The following CHODL variants were observed in gnomAD, a reference collection of about 807,000 sequenced individuals.
The protein encoded by CHODL is chondrolectin, also known as transmembrane protein MT75.
In CHODL, 29 loss-of-function variants were observed where a neutral mutation model predicts 34.5. The ratio of observed to expected loss-of-function variants is 0.84; its 90% CI spans 0.63 to 1.15. The LOEUF (loss-of-function observed/expected upper bound fraction) is 1.15. Ranked by LOEUF, CHODL falls within the 50% of genes most tolerant of loss-of-function variation. CHODL has a pLI of 0.00. For missense variants in CHODL, 332 were observed against 332.5 expected (o/e 1.00, Z 0.01); for synonymous variants, 125 against 116.1 (o/e 1.08, Z -0.49).
At chr21:18,104,413 G>A (rs967648053) in intron 2 of CHODL, among the ~76,000 whole-genome samples, 10 of 152,042 alleles carry the variant, frequency 6.6e-5, no homozygotes, top group African/African-American at 1.4e-4. Flanking sequence ...TTCGCCTTCC[G>A]CCATGATTCT....
chr21:18,105,038 G>A (rs761423162), intron 2 of CHODL, among the ~76,000 whole-genome samples: 2 of 152,174 alleles, frequency 1.3e-5, no homozygotes, highest in Admixed American at 1.3e-4. Context: ...TTGAATCCTG[G>A]TAAGACTAAG....
intron 2 of CHODL, among the ~76,000 whole-genome samples, chr21:18,146,093 C>A (rs543194322): frequency 9.2e-5 from 14 of 151,706 alleles, no homozygotes; most frequent in Admixed American, 8.5e-4. Context: ...CCCAGCCTCC[C>A]GAGTAGCTGA....
chr21:18,170,761 A>T (rs768949698), intron 2 of CHODL, among the ~76,000 whole-genome samples: 5 of 152,324 alleles, frequency 3.3e-5, no homozygotes, highest in Non-Finnish European at 5.9e-5. Flanking sequence ...GTTATCTATG[A>T]TGTTTTATGC....
intron 2 of CHODL, among the ~76,000 whole-genome samples, chr21:18,175,525 G>A (rs997861135): frequency 4.6e-5 from 7 of 151,948 alleles, no homozygotes; most frequent in African/African-American, 1.7e-4. Context: ...CCTGGGAGGC[G>A]GAGGTTGCAG....
intron 2 of CHODL, among the ~76,000 whole-genome samples, chr21:18,181,797 T>C (rs1401410143): frequency 6.6e-6 from 1 of 152,250 alleles, no homozygotes; most frequent in Non-Finnish European, 1.5e-5. Flanking sequence ...ATATAGTAGA[T>C]GGTCTCTTGT....
In CHODL at chr21:17,931,207, A is replaced by G. The variant is rs1401640518; in HGVS notation, c.-145+13807A>G. Among the ~76,000 whole-genome samples, 5 of 152,156 alleles carry G rather than the reference A, an allele frequency of 3.3e-5. No homozygotes were observed. In the East Asian group the frequency reaches 5.8e-4, roughly 18 times the overall value. Reference sequence around the variant, plus strand: ...GAGCTTGGTGTTTCTGTTCCTCCCAATAAACCGAGATCAAGCAAATACCCA... The same window carrying G: ...GAGCTTGGTGTTTCTGTTCCTCCCAGTAAACCGAGATCAAGCAAATACCCA... On this transcript the variant is annotated intron_variant, in intron 1 of 6. Transcript: ENST00000400127.
intron 2 of CHODL, among the ~76,000 whole-genome samples, chr21:18,034,885 G>A (rs940540385): frequency 6.6e-5 from 10 of 151,896 alleles, no homozygotes; most frequent in East Asian, 1.9e-4. Context: ...CCTCAGGCTC[G>A]CCACTTGTTA....
chr21:18,180,141 T>C (rs2073364793), intron 2 of CHODL, among the ~76,000 whole-genome samples: 2 of 152,204 alleles, frequency 1.3e-5, no homozygotes, highest in African/African-American at 4.8e-5. Flanking sequence ...TTATTAGTAT[T>C]GGTAACATCC....
At chr21:18,045,484 G>A (rs1442104929) in intron 2 of CHODL, among the ~76,000 whole-genome samples, 1 of 151,900 alleles carries the variant, frequency 6.6e-6, no homozygotes, top group East Asian at 1.9e-4. Flanking sequence ...GTTGCCATAA[G>A]CCAAGGAATA....
chr21:18,042,962 G>T (rs2146456386), intron 2 of CHODL, among the ~76,000 whole-genome samples: 1 of 151,630 alleles, frequency 6.6e-6, no homozygotes, highest in East Asian at 2.0e-4. Context: ...TGACAATATT[G>T]AACTACAGTG....
chr21:18,219,624 T>C (rs562073336), intron 2 of CHODL, among the ~76,000 whole-genome samples: 1 of 152,304 alleles, frequency 6.6e-6, no homozygotes, highest in Non-Finnish European at 1.5e-5. Flanking sequence ...GACATTTTAA[T>C]TGGGATAAGT....
Position 18,084,920 on chromosome 21 carries a change from AGTGTGTGTGT to A in CHODL, c.-45+56981_-45+56990del, listed in dbSNP as rs376876845. The stretch of plus-strand genomic sequence containing the variant: ...TATCTCTTTTGTTAGGTCTAGTAAT[AGTGTGTGTGT>A]GTGTGTGTGTGTGTGTGTGTGTGTG... On this transcript the variant is annotated intron_variant, in intron 2 of 6. Transcript: ENST00000400127. Among the ~76,000 whole-genome samples the A allele has an allele frequency of 4.3e-3, 370 of 85,312 alleles. 4 individuals carry two copies. Among genetic ancestry groups the A allele is most frequent in the African/African-American group, 0.011 (344 of 32,282 alleles). 56.0% of individuals were successfully genotyped at this position (85,312 alleles called of 152,430 possible).
At chr21:17,986,647 C>T (rs197553) in intron 1 of CHODL, among the ~76,000 whole-genome samples, 82,465 of 152,050 alleles carry the variant, frequency 0.54, 23,208 homozygotes, top group African/African-American at 0.69. Context: ...GTCTTTATCA[C>T]AGAATGATTT....
chr21:17,978,453 G>T lies in CHODL; in HGVS notation c.-144-49419G>T, dbSNP rs866925094. On this transcript the variant is annotated intron_variant, in intron 1 of 6. Transcript: ENST00000400127. ...AAAAAAAAAGGCCGGGCGCGGTGGCGCACGCCTGTAATCCCAGCACTTTGG... is the reference window on the plus strand; with the variant it reads ...AAAAAAAAAGGCCGGGCGCGGTGGCTCACGCCTGTAATCCCAGCACTTTGG... Among the ~76,000 whole-genome samples, 111 of 148,370 alleles carry T rather than the reference G, an allele frequency of 7.5e-4. 1 individual carries two copies. Among genetic ancestry groups the T allele is most frequent in the South Asian group, 6.0e-3 (28 of 4,682 alleles).
intron 1 of CHODL, among the ~76,000 whole-genome samples, chr21:17,963,063 C>CAA (rs752553578): frequency 7.3e-6 from 1 of 136,452 alleles, no homozygotes; most frequent in Non-Finnish European, 1.6e-5. Flanking sequence ...GACTATGTCT[C>CAA]AAAAAAAAAA....
intron 1 of CHODL, among the ~76,000 whole-genome samples, chr21:17,949,734 A>G (rs2063440780): frequency 6.6e-6 from 1 of 152,222 alleles, no homozygotes; most frequent in Non-Finnish European, 1.5e-5. Flanking sequence ...AAGTGAAGTG[A>G]GCCAGAGAGA....
At chr21:18,248,713 T>TATACATATATATGTATA (rs1265693832) in intron 1 of CHODL, among the ~76,000 whole-genome samples, 1 of 120,212 alleles carries the variant, frequency 8.3e-6, no homozygotes, top group African/African-American at 3.6e-5. Flanking sequence ...GTATATAATA[T>TATACATATATATGTATA]ATACATATAT....
chr21:17,936,693 A>G (rs900540844), intron 1 of CHODL, among the ~76,000 whole-genome samples: 2 of 152,334 alleles, frequency 1.3e-5, no homozygotes, highest in South Asian at 4.1e-4. Context: ...TATGAGTTCT[A>G]AGGTCCACAG....
At chr21:18,192,695 G>A (rs1048723578) in intron 2 of CHODL, among the ~76,000 whole-genome samples, 15 of 151,910 alleles carry the variant, frequency 9.9e-5, no homozygotes, top group African/African-American at 3.1e-4. Flanking sequence ...AAAGGTTTTA[G>A]TAGCTTTATT....
Sources: allele counts gnomAD v4.1 joint callset (sites outside exome capture counted in the v4.1 genomes callset), GRCh38; gene constraint gnomAD v4.1.1; transcripts MANE v1.5; gene names NCBI Gene and HGNC (gene_info 2026-07-23, HGNC 2026-07-21).